BMP6: variants seen among roughly 807,000 people sequenced by gnomAD.
BMP6 encodes bone morphogenetic protein 6, also known as VG-1-R.
BMP6 carries 17 observed loss-of-function variants against 54.1 expected under a neutral mutation model. That is an observed-to-expected ratio of 0.31 (90% CI 0.22 to 0.47). The LOEUF is 0.47. Ranked by LOEUF, BMP6 falls within the 20% of genes least tolerant of loss-of-function variation. The probability of loss-of-function intolerance (pLI) is 1.00; values close to 1 mark genes in which losing one functional copy is unlikely to be tolerated. For missense variants in BMP6, 720 were observed against 690.4 expected (o/e 1.04, Z -0.48); for synonymous variants, 328 against 291.2 (o/e 1.13, Z -1.28).
chr6:7,808,070 G>A (rs1394748458), intron 1 of BMP6, among the ~76,000 whole-genome samples: 9 of 151,848 alleles, frequency 5.9e-5, no homozygotes, highest in East Asian at 5.8e-4. Context: ...ACAGGCACCC[G>A]CCACCACACC....
At chr6:7,743,676 A>AG (rs1757302986) in intron 1 of BMP6, among the ~76,000 whole-genome samples, 1 of 152,186 alleles carries the variant, frequency 6.6e-6, no homozygotes, top group Non-Finnish European at 1.5e-5. Context: ...ACTTCTCCTG[A>AG]GGTGCCACCT....
chr6:7,747,799 A>G (rs1581231195), intron 1 of BMP6, among the ~76,000 whole-genome samples: 1 of 149,984 alleles, frequency 6.7e-6, no homozygotes, highest in African/African-American at 2.4e-5. Context: ...GGCATGCACT[A>G]CCTTGACTAG....
In BMP6 at chr6:7,809,206, G is replaced by A. The variant is rs193011778; in HGVS notation, c.665-35934G>A. Among the ~76,000 whole-genome samples the A allele has an allele frequency of 2.0e-5, 3 of 151,220 alleles. No individual in the cohort carries two copies. In the Admixed American group the frequency reaches 2.0e-4, roughly 10 times the overall value. On this transcript the variant is annotated intron_variant, in intron 1 of 6. Transcript: ENST00000283147. ...ACTTTGGGCTGGAGTTTATTTAAGT[G>A]GAACTTTCTGGTAGCTTTTTGCAAC...
At chr6:7,764,593 T>C (rs566501396) in intron 1 of BMP6, among the ~76,000 whole-genome samples, 1 of 152,206 alleles carries the variant, frequency 6.6e-6, no homozygotes, top group Non-Finnish European at 1.5e-5. Context: ...GTCAGATTTC[T>C]GCACCATGAT....
At chr6:7,861,347 G>A (rs576050316) in intron 2 of BMP6, 104 bp from the exon 3 acceptor site, 248 of 1,436,832 alleles carry the variant, frequency 1.7e-4, no homozygotes, top group Non-Finnish European at 2.2e-4. Flanking sequence ...ACAGGTAGAT[G>A]TGATCTGACT....
chr6:7,834,630 C>T (rs1758845396), intron 1 of BMP6, among the ~76,000 whole-genome samples: 1 of 151,222 alleles, frequency 6.6e-6, no homozygotes, highest in African/African-American at 2.4e-5. Context: ...CACTTGAGCC[C>T]AGGAGTTCGA....
chr6:7,854,008 G>A (rs1404649098), intron 2 of BMP6, among the ~76,000 whole-genome samples: 1 of 152,096 alleles, frequency 6.6e-6, no homozygotes, highest in African/African-American at 2.4e-5. Context: ...GTTATGGAGA[G>A]GAATTAAAGT....
intron 1 of BMP6, among the ~76,000 whole-genome samples, chr6:7,735,833 T>C (rs1012477391): frequency 4.6e-5 from 7 of 152,204 alleles, no homozygotes; most frequent in Non-Finnish European, 1.0e-4. Context: ...GTAATGATGT[T>C]ATCCACCGCT....
intron 1 of BMP6, among the ~76,000 whole-genome samples, chr6:7,732,747 C>T (rs1286767391): frequency 6.6e-6 from 1 of 152,158 alleles, no homozygotes; most frequent in Non-Finnish European, 1.5e-5. Context: ...CTGTCTTTGC[C>T]TCACTCCTAT....
rs954441451 is a variant in BMP6, at chr6:7,781,655, A to G, written c.664+54036A>G. ...TGTCCGGAACTATGCCCAGTGATAC[A>G]CTTAAATAAAAAACAGACATGGTTA... is the stretch of plus-strand genomic sequence containing the variant. On this transcript the variant is annotated intron_variant, in intron 1 of 6. Transcript: ENST00000283147. 5.3e-5 allele frequency among the ~76,000 whole-genome samples: 8 copies of G among 151,556 alleles called. 1 individual carries two copies. The highest frequency in any genetic ancestry group is 1.2e-4 in the Non-Finnish European group (8 of 67,680).
At position 7,726,794 on chromosome 6, in the gene BMP6, G is replaced by A. The variant is rs2113093703; in HGVS notation, c.-162G>A. 3.3e-6 allele frequency: 1 copy of A among 300,226 alleles called. No homozygotes were observed. The highest frequency in any genetic ancestry group is 2.3e-5 in the African/African-American group (1 of 44,398). 18.6% of individuals were successfully genotyped at this position (300,226 alleles called of 1,614,324 possible). A position where few individuals can be genotyped will look rare whatever the true frequency, so the allele number is the denominator to read the frequency against. On this transcript the variant is annotated 5_prime_UTR_variant, in exon 1 of 7. Transcript: ENST00000283147. Reference sequence around the variant, plus strand: ...TAGCCTGGGCAACTGGGGGCGCCCCGGACGACCATGAGAGATAAGGACTGA... The same window carrying A: ...TAGCCTGGGCAACTGGGGGCGCCCCAGACGACCATGAGAGATAAGGACTGA...
At chr6:7,817,719 ATAAT>A (rs1758552507) in intron 1 of BMP6, among the ~76,000 whole-genome samples, 1 of 152,040 alleles carries the variant, frequency 6.6e-6, no homozygotes, top group Admixed American at 6.5e-5. Flanking sequence ...AACTTAAAGT[ATAAT>A]TAAAAAAAAA....
At chr6:7,824,700 A>G (rs1024562641) in intron 1 of BMP6, among the ~76,000 whole-genome samples, 1 of 152,268 alleles carries the variant, frequency 6.6e-6, no homozygotes, top group Non-Finnish European at 1.5e-5. Flanking sequence ...CATACCTTGT[A>G]GATAATAGAT....
chr6:7,849,361 G>T (rs1013457153), intron 2 of BMP6, among the ~76,000 whole-genome samples: 4 of 152,188 alleles, frequency 2.6e-5, no homozygotes, highest in Admixed American at 2.0e-4. Flanking sequence ...GAATAGAAGG[G>T]AAGAAAGATT....
chr6:7,737,355 T>G (rs926468064), intron 1 of BMP6, among the ~76,000 whole-genome samples: 3 of 151,986 alleles, frequency 2.0e-5, no homozygotes, highest in Non-Finnish European at 4.4e-5. Flanking sequence ...GACTAAGGTG[T>G]ATGAAGGGAA....
rs1761744099 is a variant in BMP6, at chr6:7,727,199, G to C, written c.244G>C (p.Glu82Gln). Reference sequence around the variant, plus strand: ...GCAGGAGAAGCGGGAGATGCAGAAGGAGATCTTGTCGGTGCTGGGGCTCCC... The same window carrying C: ...GCAGGAGAAGCGGGAGATGCAGAAGCAGATCTTGTCGGTGCTGGGGCTCCC... ...KTQEKREMQK[E>Q]ILSVLGLPHR... is the part of the protein sequence containing the mutation. Residue 82 changes from glutamate to glutamine, a missense_variant, in exon 1 of 7, where the codon GAG (glutamate) becomes CAG (glutamine). Glu to Gln is a conservative substitution (Grantham distance 29). Transcript: ENST00000283147. 6.2e-7 allele frequency: 1 copy of C among 1,604,580 alleles called. No individual in the cohort carries two copies.
At chr6:7,782,284 G>T (rs1757960038) in intron 1 of BMP6, among the ~76,000 whole-genome samples, 1 of 152,152 alleles carries the variant, frequency 6.6e-6, no homozygotes, top group African/African-American at 2.4e-5. Flanking sequence ...TGTAACTGGG[G>T]CATGCTCGTG....
chr6:7,826,333 G>A (rs1758697936), intron 1 of BMP6, among the ~76,000 whole-genome samples: 1 of 152,202 alleles, frequency 6.6e-6, no homozygotes, highest in South Asian at 2.1e-4. Flanking sequence ...CACCTTTGAT[G>A]TATTGATCTC....
intron 2 of BMP6, among the ~76,000 whole-genome samples, chr6:7,856,892 G>T (rs568888326): frequency 2.6e-5 from 4 of 152,178 alleles, no homozygotes; most frequent in African/African-American, 9.6e-5. Flanking sequence ...CACCGCGCCC[G>T]GCCTCAAGAG....
Sources: gnomAD v4.1 joint callset for allele counts (sites outside exome capture counted in the v4.1 genomes callset) on GRCh38, gnomAD v4.1.1 for gene constraint, MANE v1.5 for transcripts, NCBI Gene and HGNC (gene_info 2026-07-23, HGNC 2026-07-21) for gene names.